The following AHCYL1 variants were observed in gnomAD, a reference collection of about 807,000 sequenced individuals.
The protein encoded by AHCYL1 is S-adenosylhomocysteine hydrolase-like protein 1.
In AHCYL1, 20 loss-of-function variants were observed where a neutral mutation model predicts 79.3. The observed-to-expected ratio is 0.25, with a 90% CI of 0.18 to 0.37. AHCYL1 has a LOEUF of 0.37. Ranked by LOEUF, AHCYL1 falls within the 10% of genes least tolerant of loss-of-function variation. The pLI is 1.00. For missense variants in AHCYL1, 330 were observed against 673.6 expected (o/e 0.49, Z 5.65); for synonymous variants, 223 against 242.2 (o/e 0.92, Z 0.74).
chr1:110,023,502 C>A lies in AHCYL1; in HGVS notation c.*1822C>A, dbSNP rs551336444. 3 of 152,576 alleles carry A rather than the reference C, an allele frequency of 2.0e-5. No homozygotes were observed. Among genetic ancestry groups the A allele is most frequent in the Admixed American group, 2.0e-4 (3 of 15,276 alleles). 9.5% of individuals were successfully genotyped at this position (152,576 alleles called of 1,614,324 possible). A position where few individuals can be genotyped will look rare whatever the true frequency, so the allele number is the denominator to read the frequency against. Reference sequence around the variant, plus strand: ...CACATTCACCTGCCCTCTGACCTGCCCCTTGATCCCATATCTATTACCGTG... The same window carrying A: ...CACATTCACCTGCCCTCTGACCTGCACCTTGATCCCATATCTATTACCGTG... On this transcript the variant is annotated 3_prime_UTR_variant, in exon 17 of 17. Transcript: ENST00000369799.
chr1:109,989,234 CT>C lies in AHCYL1; in HGVS notation c.120+4064del, dbSNP rs1649627708. On this transcript the variant is annotated intron_variant, in intron 1 of 16. Coordinates refer to ENST00000369799, the MANE Select transcript of AHCYL1 (RefSeq NM_006621.7). ...GTTCCAAGTTTCTTTAGACATTTAG[CT>C]TGTAACAGAAATCTGTTAGAAGATT... Among the ~76,000 whole-genome samples, 6 of 152,264 alleles carry C rather than the reference CT, an allele frequency of 3.9e-5. No individual in the cohort carries two copies. In the South Asian group the frequency reaches 1.2e-3, roughly 32 times the overall value.
chr1:110,000,064 C>T (rs1650227477), intron 1 of AHCYL1, among the ~76,000 whole-genome samples: 1 of 152,168 alleles, frequency 6.6e-6, no homozygotes, highest in African/African-American at 2.4e-5. Context: ...AAATATTCCT[C>T]CAGCACCATT....
intron 1 of AHCYL1, chr1:110,004,410 C>G (rs1650517758): frequency 1.0e-6 from 1 of 985,354 alleles, no homozygotes; most frequent in Non-Finnish European, 1.2e-6. Flanking sequence ...GTGGATTCAA[C>G]TCTGGCCTGA....
intron 5 of AHCYL1, among the ~76,000 whole-genome samples, chr1:110,013,802 CT>C (rs151045613): frequency 5.2e-4 from 74 of 142,092 alleles, no homozygotes; most frequent in South Asian, 4.0e-3. Flanking sequence ...ATCTTTCTTT[CT>C]TTTTTTTTTT....
In AHCYL1 at chr1:110,023,588, TAAAAAA is replaced by T. The variant is rs554049900; in HGVS notation, c.*1917_*1922del. On this transcript the variant is annotated 3_prime_UTR_variant, in exon 17 of 17. Transcript: ENST00000369799. The stretch of plus-strand genomic sequence containing the variant: ...CAAGCCATGTAACAAAGGACACTGT[TAAAAAA>T]AAAAAAAAGTCTGGCATCAGAGGGA... 2 of 140,116 alleles carry T rather than the reference TAAAAAA, an allele frequency of 1.4e-5. No homozygotes were observed. Among genetic ancestry groups the T allele is most frequent in the African/African-American group, 5.2e-5 (2 of 38,244 alleles). The allele number at this position is 140,116 out of a possible 1,614,324, so 8.7% of individuals were successfully genotyped here.
intron 1 of AHCYL1, among the ~76,000 whole-genome samples, chr1:109,986,116 A>G (rs1289904806): frequency 6.6e-6 from 1 of 152,218 alleles, no homozygotes; most frequent in Non-Finnish European, 1.5e-5. Flanking sequence ...AGTAGACCAG[A>G]GAACCTTTAC....
chr1:109,998,046 C>T (rs1650114882), intron 1 of AHCYL1, among the ~76,000 whole-genome samples: 1 of 152,204 alleles, frequency 6.6e-6, no homozygotes, highest in African/African-American at 2.4e-5. Context: ...AAAAACTGTT[C>T]TGCTATGAAA....
intron 1 of AHCYL1, among the ~76,000 whole-genome samples, chr1:109,997,995 G>A (rs76616349): frequency 0.011 from 1,703 of 152,304 alleles, 35 homozygotes; most frequent in African/African-American, 0.04. Context: ...GAGTGAGGAG[G>A]CTCTAGATGG....
intron 1 of AHCYL1, among the ~76,000 whole-genome samples, chr1:109,994,624 C>T (rs1557760908): frequency 1.3e-5 from 2 of 152,142 alleles, no homozygotes; most frequent in African/African-American, 4.8e-5. Context: ...TAGGTGCTTC[C>T]TAGAGATAGC....
At chr1:109,994,355 C>T (rs1042004613) in intron 1 of AHCYL1, among the ~76,000 whole-genome samples, 5 of 152,154 alleles carry the variant, frequency 3.3e-5, no homozygotes, top group African/African-American at 7.2e-5. Flanking sequence ...CTCCACCTCC[C>T]GGGTTCAAAC....
chr1:110,011,456 A>G, intron 3 of AHCYL1, 99 bp downstream of exon 3: 1 of 1,504,544 alleles, frequency 6.6e-7, no homozygotes. Context: ...TTGAAAGTGT[A>G]CTGGGAAGAA....
At chr1:110,000,721 C>T (rs1287114048) in intron 1 of AHCYL1, among the ~76,000 whole-genome samples, 1 of 151,314 alleles carries the variant, frequency 6.6e-6, no homozygotes, top group African/African-American at 2.4e-5. Context: ...TAGAACTGGG[C>T]TTATGGGTGT....
chr1:110,011,005 T>A (rs1466663143), intron 2 of AHCYL1, among the ~76,000 whole-genome samples: 1 of 152,100 alleles, frequency 6.6e-6, no homozygotes, highest in Non-Finnish European at 1.5e-5. Context: ...TTAGGGTGGG[T>A]GAAAGAGCTG....
At chr1:110,012,623 AT>A (rs1171255844) in intron 4 of AHCYL1, among the ~76,000 whole-genome samples, 161 bp downstream of exon 4, 4 of 152,012 alleles carry the variant, frequency 2.6e-5, no homozygotes, top group African/African-American at 9.7e-5. Context: ...TTTTTTTTTA[AT>A]ATGTAAACCC....
intron 16 of AHCYL1, among the ~76,000 whole-genome samples, chr1:110,021,079 G>A (rs763589919): frequency 2.0e-5 from 3 of 152,178 alleles, no homozygotes; most frequent in Non-Finnish European, 2.9e-5. Flanking sequence ...CCAACATGGC[G>A]AAACCCTATC....
intron 1 of AHCYL1, among the ~76,000 whole-genome samples, chr1:109,997,355 A>C (rs1650082115): frequency 6.6e-6 from 1 of 152,194 alleles, no homozygotes; most frequent in Admixed American, 6.5e-5. Context: ...GCCAGAGTAG[A>C]GATTAGAGAA....
chr1:110,012,596 T>TA (rs1651108929), intron 4 of AHCYL1, 134 bp downstream of exon 4: 1 of 739,584 alleles, frequency 1.4e-6, no homozygotes, highest in Non-Finnish European at 2.0e-6. Context: ...TGTTACACAA[T>TA]AATGGGGTTT....
chr1:109,986,837 A>G (rs1381342187), intron 1 of AHCYL1, among the ~76,000 whole-genome samples: 1 of 152,206 alleles, frequency 6.6e-6, no homozygotes, highest in East Asian at 1.9e-4. Flanking sequence ...AGGTACTCAA[A>G]TATTAATTGC....
Position 109,985,040 on chromosome 1 carries a change from G to A in AHCYL1, c.-13G>A, listed in dbSNP as rs1190559923. Reference sequence around the variant, plus strand: ...GGGGCGGCGGGTCAGCCGCTGGCCGGGCCGGCCGGGGAATGTCGATGCCTG... The same window carrying A: ...GGGGCGGCGGGTCAGCCGCTGGCCGAGCCGGCCGGGGAATGTCGATGCCTG... On this transcript the variant is annotated 5_prime_UTR_variant, in exon 1 of 17. Transcript: ENST00000369799. 6.4e-7 allele frequency: 1 copy of A among 1,556,078 alleles called. No individual in the cohort carries two copies. The highest frequency in any genetic ancestry group is 1.2e-5 in the South Asian group (1 of 84,726).
Sources: gnomAD v4.1 joint callset for allele counts (sites outside exome capture counted in the v4.1 genomes callset) on GRCh38, gnomAD v4.1.1 for gene constraint, MANE v1.5 for transcripts, NCBI Gene and HGNC (gene_info 2026-07-23, HGNC 2026-07-21) for gene names.